Variants in OSGEP observed in about 807,000 individuals in gnomAD.
OSGEP encodes tRNA N6-adenosine threonylcarbamoyltransferase.
In OSGEP, 39 loss-of-function variants were observed where a neutral mutation model predicts 44.1. That is an observed-to-expected ratio of 0.88 (90% CI 0.69 to 1.16). The LOEUF (loss-of-function observed/expected upper bound fraction) is 1.16, where lower values mean the gene tolerates loss of function less well. Ranked by LOEUF, OSGEP falls within the 50% of genes most tolerant of loss-of-function variation. The pLI is 0.00. For missense variants in OSGEP, 403 were observed against 443.1 expected (o/e 0.91, Z 0.81); for synonymous variants, 139 against 161.9 (o/e 0.86, Z 1.07).
At chr14:20,447,567 A>G (rs1880979394) in intron 9 of OSGEP, 47 bp from the exon 10 acceptor site, 3 of 1,608,308 alleles carry the variant, frequency 1.9e-6, no homozygotes, top group African/African-American at 1.3e-5. Flanking sequence ...GTGGAAAATC[A>G]CTATAACAGG....
chr14:20,452,595 A>G (rs1881130927), intron 1 of OSGEP, 147 bp from the exon 2 acceptor site: 6 of 699,796 alleles, frequency 8.6e-6, no homozygotes, highest in African/African-American at 1.8e-5. Flanking sequence ...TTTCACATCT[A>G]CTCTTTCCGG....
intron 1 of OSGEP, among the ~76,000 whole-genome samples, 192 bp from the exon 2 acceptor site, chr14:20,452,640 C>T (rs1427875275): frequency 6.6e-6 from 1 of 152,034 alleles, no homozygotes; most frequent in Non-Finnish European, 1.5e-5. Context: ...CAGAAATGCT[C>T]TTCTTCTTAC....
At chr14:20,449,711 G>A (rs1881045684) in intron 3 of OSGEP, 1 of 176,008 alleles carries the variant, frequency 5.7e-6, no homozygotes, top group Non-Finnish European at 1.2e-5. Flanking sequence ...TGTGATCATA[G>A]CTCACTGTAG....
chr14:20,447,456 T>C lies in OSGEP; in HGVS notation c.934A>G (p.Arg312Gly). 6.2e-7 allele frequency: 1 copy of C among 1,614,166 alleles called. No homozygotes were observed. The highest frequency in any genetic ancestry group is 8.5e-7 in the Non-Finnish European group (1 of 1,179,980). Residue 312 changes from arginine to glycine, a missense_variant, in exon 10 of 11, where the codon AGG (arginine) becomes GGG (glycine). Arg to Gly is a moderately radical substitution (Grantham distance 125, BLOSUM62 -2). Transcript: ENST00000206542. ...ACCCCAGAATCACTGAGTGGGGTCCTGTGTCCAGCCCGAAACATCTCCCAG... is the reference window on the plus strand; with the variant it reads ...ACCCCAGAATCACTGAGTGGGGTCCCGTGTCCAGCCCGAAACATCTCCCAG... ...AGWEMFRAGH[R>G]TPLSDSGVTQ...
intron 3 of OSGEP, chr14:20,449,754 C>T: frequency 6.3e-6 from 1 of 159,778 alleles, no homozygotes; most frequent in Non-Finnish European, 1.4e-5. Flanking sequence ...GATCCTCCCA[C>T]CTCAGCTTCC....
At chr14:20,449,991 C>T (rs1881053504) in intron 3 of OSGEP, 1 of 151,762 alleles carries the variant, frequency 6.6e-6, no homozygotes, top group Non-Finnish European at 1.5e-5. Context: ...TGGAGTCAGA[C>T]TAATGGCCCA....
intron 3 of OSGEP, chr14:20,451,646 G>A (rs1881103638): frequency 5.2e-6 from 1 of 193,402 alleles, no homozygotes; most frequent in African/African-American, 2.3e-5. Flanking sequence ...GAAAAAATAA[G>A]CTTCAAAATA....
chr14:20,449,432 T>G lies in OSGEP; in HGVS notation c.412-166A>C, dbSNP rs1170328103. 4.9e-6 allele frequency: 3 copies of G among 611,014 alleles called. No homozygotes were observed. The African/African-American group carries it at 5.5e-5, about 11-fold the overall frequency. The allele number at this position is 611,014 out of a possible 1,614,324, so 37.8% of individuals were successfully genotyped here. Reference sequence around the variant, plus strand: ...AATGGGTAGTTTTTACAGCTCTGATTTGAGAAGAAATCTGTATACCCTGAG... The same window carrying G: ...AATGGGTAGTTTTTACAGCTCTGATGTGAGAAGAAATCTGTATACCCTGAG... On this transcript the variant is annotated intron_variant, in intron 3 of 10. Transcript: ENST00000206542.
At chr14:20,448,030 G>A in intron 7 of OSGEP, 36 bp from the exon 8 acceptor site, 1 of 1,587,760 alleles carries the variant, frequency 6.3e-7, no homozygotes, top group Non-Finnish European at 8.7e-7. Context: ...TATTAGAGGG[G>A]CATCCCAGAT....
At chr14:20,449,320 G>C (rs1950692760) in intron 3 of OSGEP, 54 bp from the exon 4 acceptor site, 2 of 1,097,678 alleles carry the variant, frequency 1.8e-6, no homozygotes, top group Non-Finnish European at 2.8e-6. Flanking sequence ...AGGATTATTT[G>C]GCTTTGGGAG....
At chr14:20,453,026 C>T (rs1881145127) in intron 1 of OSGEP, among the ~76,000 whole-genome samples, 1 of 152,128 alleles carries the variant, frequency 6.6e-6, no homozygotes, top group Non-Finnish European at 1.5e-5. Flanking sequence ...TCTTCTTTCT[C>T]TGTGACCCTA....
intron 5 of OSGEP, 53 bp from the exon 6 acceptor site, chr14:20,448,864 A>G: frequency 6.3e-7 from 1 of 1,591,734 alleles, no homozygotes; most frequent in Non-Finnish European, 8.6e-7. Flanking sequence ...CTGGCTTCTC[A>G]CCCTCCAAAG....
Position 20,454,477 on chromosome 14 carries a change from G to C in OSGEP, c.115+92C>G, listed in dbSNP as rs1029089309. 3.4e-6 allele frequency: 3 copies of C among 888,426 alleles called. No homozygotes were observed. In the Admixed American group the frequency reaches 5.2e-5, roughly 15 times the overall value. The allele number at this position is 888,426 out of a possible 1,614,324, so 55.0% of individuals were successfully genotyped here. A position where few individuals can be genotyped will look rare whatever the true frequency, so the allele number is the denominator to read the frequency against. ...ACATAATTTCAATGAGACTCGGATC[G>C]AAAGCTGCACCTCACTAGTATTTAG... is the stretch of plus-strand genomic sequence containing the variant. On this transcript the variant is annotated intron_variant, in intron 1 of 10. Coordinates refer to ENST00000206542, the MANE Select transcript of OSGEP (RefSeq NM_017807.4).
At chr14:20,453,708 C>G (rs1042519040) in intron 1 of OSGEP, among the ~76,000 whole-genome samples, 1 of 152,108 alleles carries the variant, frequency 6.6e-6, no homozygotes, top group Non-Finnish European at 1.5e-5. Context: ...CCTAATGATA[C>G]AGGTATTATT....
rs776508930 is a variant in OSGEP at position 20,448,180 on chromosome 14, A to AC, written c.637-10_637-9insG. 10 of 1,609,816 alleles carry AC rather than the reference A, an allele frequency of 6.2e-6. No individual in the cohort carries two copies. In the South Asian group the frequency reaches 1.1e-4, roughly 18 times the overall value. ...ATCCGATGGGCTACATCCTACAATTAAAGGGAAAAACAAAAGAATCAACAA... is the reference window on the plus strand; with the variant it reads ...ATCCGATGGGCTACATCCTACAATTACAAGGGAAAAACAAAAGAATCAACAA... On this transcript the variant is annotated splice_polypyrimidine_tract_variant and intron_variant, in intron 6 of 10. Transcript: ENST00000206542.
At chr14:20,452,471 A>G in intron 1 of OSGEP, 23 bp from the exon 2 acceptor site, 2 of 1,612,334 alleles carry the variant, frequency 1.2e-6, no homozygotes, top group East Asian at 2.2e-5. Flanking sequence ...CATAGGTCAG[A>G]GATCACAGGG....
intron 6 of OSGEP, 151 bp downstream of exon 6, chr14:20,448,582 T>A: frequency 1.6e-6 from 1 of 635,914 alleles, no homozygotes; most frequent in Non-Finnish European, 2.8e-6. Context: ...ATTCAATGAA[T>A]ACCTTCTAAA....
At chr14:20,452,264 G>A (rs758517627) in intron 2 of OSGEP, 65 bp downstream of exon 2, 40 of 1,601,768 alleles carry the variant, frequency 2.5e-5, no homozygotes, top group Non-Finnish European at 3.2e-5. Flanking sequence ...GTAAGGTGTT[G>A]GCTATTTTGA....
At chr14:20,447,825 G>A (rs1253288426) in intron 8 of OSGEP, 79 bp downstream of exon 8, 27 of 1,258,450 alleles carry the variant, frequency 2.1e-5, no homozygotes, top group Non-Finnish European at 2.7e-5. Context: ...TACTCCAAAC[G>A]CTTAATGATT....
Sources: gnomAD v4.1 joint callset for allele counts (sites outside exome capture counted in the v4.1 genomes callset) on GRCh38, gnomAD v4.1.1 for gene constraint, MANE v1.5 for transcripts, NCBI Gene and HGNC (gene_info 2026-07-23, HGNC 2026-07-21) for gene names.